Variants in SPATA3 observed in about 807,000 individuals in gnomAD.
SPATA3 encodes spermatogenesis associated 3.
SPATA3 carries 6 observed loss-of-function variants against 5.7 expected under a neutral mutation model. That is an observed-to-expected ratio of 1.06 (90% CI 0.58 to 2.09). The LOEUF is 2.09. SPATA3 is among the 30% of genes most tolerant of loss of function. The probability of loss-of-function intolerance (pLI) is 0.00; values close to 1 mark genes in which losing one functional copy is unlikely to be tolerated. For synonymous variants in SPATA3, 44 were observed against 48.4 expected (o/e 0.91, Z 0.37); for missense variants, 155 against 130.4 (o/e 1.19, Z -0.92).
rs527368318 is a variant in SPATA3 at position 231,000,732 on chromosome 2, G to A, written c.962+195G>A. Among the ~76,000 whole-genome samples, 179 of 152,208 alleles carry A rather than the reference G, an allele frequency of 1.2e-3. 1 individual carries two copies. Among genetic ancestry groups the A allele is most frequent in the Non-Finnish European group, 9.4e-4 (64 of 67,996 alleles). On this transcript the variant is annotated intron_variant, in intron 2 of 2. Transcript: ENST00000645363. Reference sequence around the variant, plus strand: ...GCCCTTTCTGACCGGCCCCACCCCCGGGGTACCCACCCCGCCTGTACAGAG... The same window carrying A: ...GCCCTTTCTGACCGGCCCCACCCCCAGGGTACCCACCCCGCCTGTACAGAG...
exon 2 of SPATA3, chr2:231,000,520 C>A: frequency 6.5e-7 from 1 of 1,538,688 alleles, no homozygotes; most frequent in Non-Finnish European, 8.8e-7. Context: ...GACTCCCCAA[C>A]CTGCTCACCT....
chr2:231,008,562 G>A (rs930684979), downstream of SPATA3, among the ~76,000 whole-genome samples: 1 of 152,150 alleles, frequency 6.6e-6, no homozygotes, highest in African/African-American at 2.4e-5. Context: ...TCAGTCCCAA[G>A]ATTTCCTTTC....
chr2:231,009,992 A>G (rs550413475), downstream of SPATA3, among the ~76,000 whole-genome samples: 1 of 152,376 alleles, frequency 6.6e-6, no homozygotes, highest in Non-Finnish European at 1.5e-5. Context: ...GGGGCTTTCA[A>G]GAGGGAAGTT....
chr2:231,005,268 T>TCATCAC (rs1559197602), downstream of SPATA3, among the ~76,000 whole-genome samples: 1 of 40,800 alleles, frequency 2.5e-5, no homozygotes, highest in African/African-American at 1.0e-4. Flanking sequence ...ATCATTACCA[T>TCATCAC]CATCACCATC....
At chr2:231,016,868 A>C (rs1340392877) in intron 6 of SPATA3, among the ~76,000 whole-genome samples, 1 of 151,522 alleles carries the variant, frequency 6.6e-6, no homozygotes, top group Non-Finnish European at 1.5e-5. Flanking sequence ...AAAACAACAG[A>C]CTCCTTCTCT....
chr2:231,005,959 T>G (rs1216255143), downstream of SPATA3, among the ~76,000 whole-genome samples: 1 of 148,830 alleles, frequency 6.7e-6, no homozygotes, highest in Non-Finnish European at 1.5e-5. Context: ...AGCCTGGGAG[T>G]TTGAGACCAG....
downstream of SPATA3, among the ~76,000 whole-genome samples, chr2:231,008,325 C>G (rs756830820): frequency 1.3e-5 from 2 of 152,206 alleles, no homozygotes; most frequent in Non-Finnish European, 2.9e-5. Context: ...AGCCCGCATG[C>G]ACTGGAACGG....
At chr2:231,000,533 T>C in exon 2 of SPATA3, 1 of 1,526,560 alleles carries the variant, frequency 6.6e-7, no homozygotes, top group Non-Finnish European at 8.8e-7. Context: ...GCTCACCTTC[T>C]ACAGGTTCCA....
chr2:231,016,885 A>G (rs937588976), intron 6 of SPATA3, among the ~76,000 whole-genome samples: 3 of 152,130 alleles, frequency 2.0e-5, no homozygotes, highest in South Asian at 4.2e-4. Flanking sequence ...CTCTCCTCTC[A>G]ATAGCTTTCC....
downstream of SPATA3, chr2:231,006,802 T>C (rs1444740821): frequency 6.6e-6 from 1 of 152,196 alleles, no homozygotes; most frequent in Non-Finnish European, 1.5e-5. Flanking sequence ...TAAAGTTTGG[T>C]GAACCTCTCC....
intron 1 of SPATA3, chr2:230,996,386 T>C (rs1357153833): frequency 6.4e-7 from 1 of 1,551,030 alleles, no homozygotes; most frequent in African/African-American, 1.4e-5. Flanking sequence ...AGCCTAGCCC[T>C]GAATCCACAC....
rs1468714056 is a variant in SPATA3 at position 231,002,586 on chromosome 2, C to A, written c.963-98C>A. 19 of 649,938 alleles carry A rather than the reference C, an allele frequency of 2.9e-5. No individual in the cohort carries two copies. In the East Asian group the frequency reaches 5.9e-4, roughly 20 times the overall value. 40.3% of individuals were successfully genotyped at this position (649,938 alleles called of 1,614,324 possible). ...GAGAGGGGGAAGATGGGTATTCCTG[C>A]AATCCTGAGGGGGCCACATAATTTC... On this transcript the variant is annotated intron_variant, in intron 2 of 2. Transcript: ENST00000645363.
downstream of SPATA3, among the ~76,000 whole-genome samples, chr2:231,004,526 A>G (rs1194758209): frequency 6.6e-6 from 1 of 152,162 alleles, no homozygotes; most frequent in Non-Finnish European, 1.5e-5. Context: ...CTCCACAGGC[A>G]ATGGTTTTGA....
chr2:231,003,759 A>C (rs1360730988), downstream of SPATA3, among the ~76,000 whole-genome samples: 1 of 152,224 alleles, frequency 6.6e-6, no homozygotes, highest in Non-Finnish European at 1.5e-5. Flanking sequence ...GCACCAGCCC[A>C]AAAAGGGGAT....
chr2:231,000,984 G>C (rs1358227946), intron 2 of SPATA3, among the ~76,000 whole-genome samples: 3 of 152,168 alleles, frequency 2.0e-5, no homozygotes, highest in Middle Eastern at 3.2e-3. Context: ...ATGTCGCCCA[G>C]AATTTAATGA....
chr2:230,998,853 C>A (rs1026844986), intron 1 of SPATA3, among the ~76,000 whole-genome samples: 1 of 152,168 alleles, frequency 6.6e-6, no homozygotes, highest in African/African-American at 2.4e-5. Context: ...CCTTATGACC[C>A]AGCAATTCCA....
At chr2:231,006,781 A>G (rs183627675), downstream of SPATA3, 7 of 152,200 alleles carry the variant, frequency 4.6e-5, no homozygotes, top group Admixed American at 1.3e-4. Flanking sequence ...TGCTTCTAGA[A>G]TTTTCTTTCC....
At chr2:231,015,253 T>C (rs1692899679) in intron 6 of SPATA3, among the ~76,000 whole-genome samples, 1 of 136,530 alleles carries the variant, frequency 7.3e-6, no homozygotes, top group Non-Finnish European at 1.6e-5. Flanking sequence ...AACTATCGTT[T>C]TGGCTTTTTT....
At chr2:231,003,712 C>T (rs1279019211), downstream of SPATA3, among the ~76,000 whole-genome samples, 2 of 152,164 alleles carry the variant, frequency 1.3e-5, no homozygotes, top group Non-Finnish European at 2.9e-5. Context: ...GAGCTATTAG[C>T]AGCACATTCA....
Sources: allele counts gnomAD v4.1 joint callset (sites outside exome capture counted in the v4.1 genomes callset), GRCh38; gene constraint gnomAD v4.1.1; transcripts MANE v1.5; gene names NCBI Gene and HGNC (gene_info 2026-07-23, HGNC 2026-07-21).